KCNQ5: variants seen among roughly 807,000 people sequenced by gnomAD.
KCNQ5 encodes potassium voltage-gated channel subfamily KQT member 5.
KCNQ5 carries 30 observed loss-of-function variants against 98.2 expected under a neutral mutation model. That is an observed-to-expected ratio of 0.31 (90% CI 0.23 to 0.41). The LOEUF is 0.41. KCNQ5 is among the 10% of genes least tolerant of loss of function. The probability of loss-of-function intolerance (pLI) is 1.00; values close to 1 mark genes in which losing one functional copy is unlikely to be tolerated. For missense variants in KCNQ5, 835 were observed against 1,182.5 expected, an observed-to-expected ratio of 0.71 and a Z score of 4.31; for synonymous variants, 458 against 449.4, an observed-to-expected ratio of 1.02 and a Z score of -0.24.
intron 10 of KCNQ5, among the ~76,000 whole-genome samples, chr6:73,161,476 T>C (rs548159925): frequency 6.6e-6 from 1 of 152,352 alleles, no homozygotes; most frequent in South Asian, 2.1e-4. Flanking sequence ...ATAATTCAAA[T>C]GTTTCTAGCA....
chr6:73,010,336 C>T (rs572270201), intron 2 of KCNQ5, among the ~76,000 whole-genome samples: 1 of 151,814 alleles, frequency 6.6e-6, no homozygotes, highest in African/African-American at 2.4e-5. Context: ...ATATATACTC[C>T]ACAAACTAGG....
intron 1 of KCNQ5, among the ~76,000 whole-genome samples, chr6:72,910,748 A>G (rs1235025738): frequency 6.6e-6 from 1 of 152,114 alleles, no homozygotes; most frequent in African/African-American, 2.4e-5. Context: ...TAAAGAAGAA[A>G]CCGAAAGAGG....
chr6:73,134,783 C>T (rs1415638364), intron 10 of KCNQ5: 1 of 152,370 alleles, frequency 6.6e-6, no homozygotes, highest in Non-Finnish European at 1.5e-5. Context: ...TGCCATGCTT[C>T]CCCGCAGCCT....
chr6:73,019,758 A>T (rs1770506760), intron 2 of KCNQ5, among the ~76,000 whole-genome samples: 1 of 152,220 alleles, frequency 6.6e-6, no homozygotes, highest in South Asian at 2.1e-4. Flanking sequence ...TGTTAAAGTT[A>T]GAAACAAATT....
chr6:72,785,682 A>C (rs887561453), intron 1 of KCNQ5, among the ~76,000 whole-genome samples: 18 of 152,068 alleles, frequency 1.2e-4, no homozygotes, highest in African/African-American at 3.9e-4. Flanking sequence ...ACAAACACAA[A>C]ACAAAACAAA....
At chr6:73,131,460 T>C (rs1294091197) in intron 9 of KCNQ5, among the ~76,000 whole-genome samples, 1 of 152,170 alleles carries the variant, frequency 6.6e-6, no homozygotes, top group Non-Finnish European at 1.5e-5. Context: ...TGTAATGATA[T>C]CTATGTCAAC....
chr6:73,065,871 G>A (rs1045462895), intron 3 of KCNQ5, among the ~76,000 whole-genome samples: 1 of 152,252 alleles, frequency 6.6e-6, no homozygotes, highest in Non-Finnish European at 1.5e-5. Context: ...AAACGGCCGG[G>A]CTCAGTGGCT....
rs532283250 is a variant in KCNQ5, at chr6:73,127,693, T to G, written c.1247+3181T>G. ...TTCTACACTGAGGCTAGGGTATGTT[T>G]AAACAAAATTTGCCTACGATGTCTT... is the stretch of plus-strand genomic sequence containing the variant. On this transcript the variant is annotated intron_variant, in intron 9 of 13. Transcript: ENST00000370398. Among the ~76,000 whole-genome samples, 11 of 152,352 alleles carry G rather than the reference T, an allele frequency of 7.2e-5. No individual in the cohort carries two copies. In the South Asian group the frequency reaches 2.1e-3, roughly 29 times the overall value.
intron 1 of KCNQ5, among the ~76,000 whole-genome samples, chr6:72,941,658 C>T (rs1386248511): frequency 9.1e-5 from 12 of 132,036 alleles, no homozygotes; most frequent in Non-Finnish European, 5.0e-5. Context: ...CCGCACCTCC[C>T]TCCCCATCTC....
chr6:72,839,387 G>C (rs554790065), intron 1 of KCNQ5, among the ~76,000 whole-genome samples: 63 of 152,212 alleles, frequency 4.1e-4, no homozygotes, highest in Middle Eastern at 3.4e-3. Flanking sequence ...TCCAAAATTT[G>C]TGTCATCTTT....
intron 1 of KCNQ5, among the ~76,000 whole-genome samples, chr6:72,711,888 G>A (rs1272585902): frequency 1.3e-5 from 2 of 152,186 alleles, no homozygotes; most frequent in Non-Finnish European, 2.9e-5. Context: ...GTTCCATTTT[G>A]GCCATGCTGA....
chr6:72,857,505 A>G (rs34801230), intron 1 of KCNQ5, among the ~76,000 whole-genome samples: 1 of 152,184 alleles, frequency 6.6e-6, no homozygotes, highest in East Asian at 1.9e-4. Flanking sequence ...TACATACAAA[A>G]CAAGTTTACA....
At chr6:72,965,218 G>A (rs1767545974) in intron 1 of KCNQ5, among the ~76,000 whole-genome samples, 1 of 152,324 alleles carries the variant, frequency 6.6e-6, no homozygotes, top group African/African-American at 2.4e-5. Context: ...AGAAAACACA[G>A]TTGGTTAGAT....
chr6:73,034,327 T>C (rs563631262), intron 2 of KCNQ5, among the ~76,000 whole-genome samples: 13 of 152,268 alleles, frequency 8.5e-5, no homozygotes, highest in Non-Finnish European at 1.3e-4. Flanking sequence ...GAATTGATTA[T>C]GTTGATATTC....
intron 1 of KCNQ5, among the ~76,000 whole-genome samples, chr6:72,643,920 T>C (rs1445458054): frequency 6.6e-6 from 1 of 152,160 alleles, no homozygotes; most frequent in East Asian, 1.9e-4. Flanking sequence ...TAGCATCTAG[T>C]TAAATCAATG....
intron 1 of KCNQ5, among the ~76,000 whole-genome samples, chr6:72,854,125 C>T (rs1178440247): frequency 6.6e-6 from 1 of 152,120 alleles, no homozygotes; most frequent in Non-Finnish European, 1.5e-5. Flanking sequence ...CTGCATGCAA[C>T]ATTACCTTTG....
At position 72,714,914 on chromosome 6, in the gene KCNQ5, C is replaced by T. The variant is rs1281813118; in HGVS notation, c.398+92327C>T. ...AATTAATGCTAGAAATTGTTTCTAA[C>T]AGGAGATAATAAAGGAAATGGGCAA... On this transcript the variant is annotated intron_variant, in intron 1 of 13. Transcript: ENST00000370398. Among the ~76,000 whole-genome samples the T allele has an allele frequency of 2.0e-5, 3 of 152,022 alleles. No individual in the cohort carries two copies. In the East Asian group the frequency reaches 5.8e-4, roughly 29 times the overall value.
At chr6:72,650,317 G>A (rs1482871771) in intron 1 of KCNQ5, among the ~76,000 whole-genome samples, 1 of 151,996 alleles carries the variant, frequency 6.6e-6, no homozygotes, top group East Asian at 1.9e-4. Flanking sequence ...GTACATTCTG[G>A]TTATATCACA....
chr6:73,153,913 A>AAC (rs1777251351), intron 10 of KCNQ5, among the ~76,000 whole-genome samples: 2 of 151,594 alleles, frequency 1.3e-5, no homozygotes, highest in African/African-American at 4.8e-5. Flanking sequence ...CTAAAAAAAA[A>AAC]AAAGTTTGCT....
Sources: gnomAD v4.1 joint callset for allele counts (sites outside exome capture counted in the v4.1 genomes callset) on GRCh38, gnomAD v4.1.1 for gene constraint, MANE v1.5 for transcripts, NCBI Gene and HGNC (gene_info 2026-07-23, HGNC 2026-07-21) for gene names.